The following GPHN variants were observed in gnomAD, a reference collection of about 807,000 sequenced individuals.
GPHN encodes the protein gephyrin.
In GPHN, 17 loss-of-function variants were observed where a neutral mutation model predicts 95.5. That is an observed-to-expected ratio of 0.18 (90% confidence interval 0.12 to 0.27). GPHN has a LOEUF of 0.27. Among genes scored for constraint, GPHN ranks in the 10% least tolerant of loss-of-function variants. The pLI is 1.00. For synonymous variants in GPHN, 320 were observed against 322.5 expected (o/e 0.99, Z 0.08); for missense variants, 660 against 978.1 (o/e 0.67, Z 4.34).
At chr14:67,494,137 A>G in the GPHN span, among the ~76,000 whole-genome samples, 108 of 152,272 alleles carry the variant, frequency 7.1e-4, no homozygotes, top group African/African-American at 2.5e-3. Flanking sequence ...CCATCTACTG[A>G]GAAAGCACCC....
intron 4 of GPHN, among the ~76,000 whole-genome samples, chr14:66,851,022 A>G (rs1035598053): frequency 2.6e-5 from 4 of 152,132 alleles, no homozygotes; most frequent in Non-Finnish European, 4.4e-5. Context: ...TGTGATAAAT[A>G]TATGACATAT....
chr14:67,620,096 C>G, the GPHN span: 34 of 1,581,606 alleles, frequency 2.1e-5, no homozygotes, highest in Admixed American at 5.9e-4. Context: ...CAGGTGAGAA[C>G]TGGCACCTGG....
chr14:66,804,407 TCAATTATTATGAA>T (rs2153478747), intron 3 of GPHN, among the ~76,000 whole-genome samples: 1 of 152,370 alleles, frequency 6.6e-6, no homozygotes, highest in South Asian at 2.1e-4. Context: ...TCTTTGTTTT[TCAATTATTATGAA>T]CAATGCAAAA....
At chr14:67,542,061 G>C in the GPHN span, 2 of 1,402,308 alleles carry the variant, frequency 1.4e-6, no homozygotes, top group Non-Finnish European at 1.9e-6. Context: ...GGCCGTGTGA[G>C]AGAGGGAGAG....
intron 1 of GPHN, among the ~76,000 whole-genome samples, chr14:66,579,035 C>T (rs1444815931): frequency 6.6e-6 from 1 of 151,546 alleles, no homozygotes; most frequent in East Asian, 1.9e-4. Context: ...AAGTGATATA[C>T]AATATATAAA....
chr14:67,699,612 A>AAAG, the GPHN span, among the ~76,000 whole-genome samples: 1 of 145,492 alleles, frequency 6.9e-6, no homozygotes, highest in African/African-American at 2.5e-5. Context: ...AAAAAAAAAA[A>AAAG]GAAACAGAGA....
the GPHN span, among the ~76,000 whole-genome samples, chr14:67,307,143 A>C: frequency 6.6e-6 from 1 of 152,202 alleles, no homozygotes; most frequent in Non-Finnish European, 1.5e-5. Context: ...AGCAGAGGGC[A>C]AGAGTCTTGG....
chr14:67,219,566 T>C, the GPHN span, among the ~76,000 whole-genome samples: 3 of 152,192 alleles, frequency 2.0e-5, no homozygotes, highest in Admixed American at 6.5e-5. Flanking sequence ...AATAGCTTTT[T>C]AAAACATTAA....
At chr14:67,692,514 G>A in the GPHN span, 1 of 1,613,694 alleles carries the variant, frequency 6.2e-7, no homozygotes, top group Admixed American at 1.7e-5. Context: ...ACACCTGCTG[G>A]TTCCCTGTCG....
At chr14:67,318,196 A>AT in the GPHN span, among the ~76,000 whole-genome samples, 1 of 152,236 alleles carries the variant, frequency 6.6e-6, no homozygotes, top group African/African-American at 2.4e-5. Flanking sequence ...TATGTAATTT[A>AT]TAAGGCTTTT....
the GPHN span, chr14:67,725,041 A>G: frequency 2.3e-3 from 3,634 of 1,591,586 alleles, 51 homozygotes; most frequent in East Asian, 0.029. Flanking sequence ...CTCACTTACT[A>G]TACCTCCTTT....
the GPHN span, among the ~76,000 whole-genome samples, chr14:67,452,126 GT>G: frequency 1.3e-5 from 2 of 152,146 alleles, no homozygotes; most frequent in Non-Finnish European, 1.5e-5. Flanking sequence ...GAGGTCAGGA[GT>G]TTGAGACCAG....
the GPHN span, among the ~76,000 whole-genome samples, chr14:67,212,729 A>C: frequency 1.4e-5 from 2 of 144,928 alleles, no homozygotes; most frequent in African/African-American, 5.1e-5. Context: ...TAACTACTCA[A>C]AGCTGGTTTT....
At chr14:67,473,697 C>T in the GPHN span, 1 of 1,590,496 alleles carries the variant, frequency 6.3e-7, no homozygotes, top group Non-Finnish European at 8.6e-7. This position sits in a 1 kb window ranked among gnomAD's most constrained non-coding sequence, Gnocchi z 6.5. Flanking sequence ...GATGAGGCAG[C>T]GCAGGAGCAG....
the GPHN span, chr14:67,733,685 TA>T: frequency 8.9e-7 from 1 of 1,124,912 alleles, no homozygotes; most frequent in Non-Finnish European, 1.4e-6. Flanking sequence ...AAAGGGACCA[TA>T]AAGATTTCCA....
the GPHN span, among the ~76,000 whole-genome samples, chr14:67,493,880 CTT>C: frequency 1.3e-5 from 2 of 151,540 alleles, no homozygotes; most frequent in Non-Finnish European, 2.9e-5. Flanking sequence ...ATGTAATAAA[CTT>C]ATTTATTTAT....
intron 3 of GPHN, among the ~76,000 whole-genome samples, chr14:66,816,469 C>A (rs2060971512): frequency 6.6e-6 from 1 of 152,116 alleles, no homozygotes; most frequent in African/African-American, 2.4e-5. Flanking sequence ...GACCACAGTG[C>A]AATCAAATTA....
chr14:67,079,018 C>G (rs2076594967), intron 11 of GPHN, among the ~76,000 whole-genome samples: 1 of 151,898 alleles, frequency 6.6e-6, no homozygotes, highest in Non-Finnish European at 1.5e-5. Context: ...AATATAGCAA[C>G]CACTATATAT....
chr14:67,604,392 G>C, the GPHN span, among the ~76,000 whole-genome samples: 1 of 152,104 alleles, frequency 6.6e-6, no homozygotes, highest in Non-Finnish European at 1.5e-5. Context: ...ATTTTGTCCT[G>C]TTTAGGAAGC....
Sources: gnomAD v4.1 joint callset for allele counts (sites outside exome capture counted in the v4.1 genomes callset) on GRCh38, gnomAD v4.1.1 for gene constraint, Gnocchi (gnomAD v3.1) non-coding constraint, MANE v1.5 for transcripts, NCBI Gene and HGNC (gene_info 2026-07-23, HGNC 2026-07-21) for gene names.